Variants in CIMIP4 observed in about 807,000 individuals in gnomAD.
The protein encoded by CIMIP4 is protein EAN57.
At chr22:37,005,553 G>GT in the CIMIP4 span, among the ~76,000 whole-genome samples, 23,151 of 145,204 alleles carry the variant, frequency 0.16, 2,208 homozygotes, top group African/African-American at 0.28. Flanking sequence ...ACCTTAAACA[G>GT]TTTTTTTTTT....
chr22:37,005,140 A>G, the CIMIP4 span, among the ~76,000 whole-genome samples: 1 of 152,266 alleles, frequency 6.6e-6, no homozygotes, highest in African/African-American at 2.4e-5. Context: ...TAAAGAATAG[A>G]AGCCCTGAGT....
chr22:36,998,350 C>T, the CIMIP4 span, among the ~76,000 whole-genome samples: 31,282 of 151,972 alleles, frequency 0.21, 3,523 homozygotes, highest in East Asian at 0.53. Context: ...CCAGTGGGCA[C>T]CTGGTTCCTC....
chr22:36,992,872 G>T, the CIMIP4 span, among the ~76,000 whole-genome samples: 1 of 151,204 alleles, frequency 6.6e-6, no homozygotes, highest in Non-Finnish European at 1.5e-5. Flanking sequence ...AGCACTTTGG[G>T]AGGCCGAGAA....
the CIMIP4 span, among the ~76,000 whole-genome samples, chr22:36,998,977 C>T: frequency 1.3e-3 from 196 of 152,238 alleles, no homozygotes; most frequent in African/African-American, 4.3e-3. Context: ...GAGAAGGCAG[C>T]GGAGGCTTGC....
chr22:36,994,393 A>G, the CIMIP4 span, among the ~76,000 whole-genome samples: 1 of 152,030 alleles, frequency 6.6e-6, no homozygotes, highest in Non-Finnish European at 1.5e-5. Flanking sequence ...ATCTCCGCTC[A>G]CTATAACCTC....
the CIMIP4 span, chr22:37,002,275 C>T: frequency 7.0e-7 from 1 of 1,438,328 alleles, no homozygotes; most frequent in East Asian, 2.5e-5. Context: ...CCTTGTCATT[C>T]AGATGGGCCC....
At chr22:36,998,736 A>T in the CIMIP4 span, among the ~76,000 whole-genome samples, 5,093 of 152,136 alleles carry the variant, frequency 0.033, 109 homozygotes, top group Non-Finnish European at 0.045. Context: ...CCCCAACCAA[A>T]CAGGACTACA....
chr22:36,998,016 A>C, the CIMIP4 span, among the ~76,000 whole-genome samples: 3 of 152,318 alleles, frequency 2.0e-5, no homozygotes, highest in South Asian at 6.2e-4. Flanking sequence ...GACAGCATTT[A>C]TGTGCCAGTC....
At chr22:36,999,830 T>C in the CIMIP4 span, 1 of 1,610,686 alleles carries the variant, frequency 6.2e-7, no homozygotes. Flanking sequence ...CCCTTGCCCT[T>C]TGACTTGACC....
chr22:37,004,806 G>A, the CIMIP4 span, among the ~76,000 whole-genome samples: 1 of 151,860 alleles, frequency 6.6e-6, no homozygotes, highest in Non-Finnish European at 1.5e-5. Flanking sequence ...TCCCACCTCA[G>A]CCTCCTGAGT....
At chr22:36,998,612 G>T in the CIMIP4 span, among the ~76,000 whole-genome samples, 1 of 152,256 alleles carries the variant, frequency 6.6e-6, no homozygotes, top group Non-Finnish European at 1.5e-5. Flanking sequence ...ATGAGGCTTT[G>T]AAGGCAGAAG....
chr22:37,003,224 A>G, the CIMIP4 span, among the ~76,000 whole-genome samples: 1 of 152,240 alleles, frequency 6.6e-6, no homozygotes, highest in Non-Finnish European at 1.5e-5. Flanking sequence ...CATTAAAAAT[A>G]CAGATGCCTG....
chr22:36,991,622 C>T, the CIMIP4 span: 5 of 1,593,096 alleles, frequency 3.1e-6, no homozygotes, highest in East Asian at 2.2e-5. Context: ...ACCCCAAGTG[C>T]CCAATTCAGT....
chr22:36,991,273 C>T, the CIMIP4 span: 98 of 1,613,932 alleles, frequency 6.1e-5, no homozygotes, highest in African/African-American at 2.1e-4. Context: ...CTGGTGCCAC[C>T]GCCCTACAGC....
chr22:37,001,661 G>A, the CIMIP4 span, among the ~76,000 whole-genome samples: 2 of 152,178 alleles, frequency 1.3e-5, no homozygotes, highest in African/African-American at 2.4e-5. Context: ...CTGGGAAGAT[G>A]TAACAACTTG....
chr22:36,994,487 A>G, the CIMIP4 span, among the ~76,000 whole-genome samples: 1 of 151,584 alleles, frequency 6.6e-6, no homozygotes, highest in Non-Finnish European at 1.5e-5. Context: ...CATCACGCCT[A>G]GCTAATTTTT....
chr22:36,997,162 G>T, the CIMIP4 span, among the ~76,000 whole-genome samples: 1 of 152,150 alleles, frequency 6.6e-6, no homozygotes, highest in Non-Finnish European at 1.5e-5. Context: ...ACTCACAAAA[G>T]CCATCTACAG....
the CIMIP4 span, among the ~76,000 whole-genome samples, chr22:36,993,016 CTTTTTTTTTTTTTT>C: frequency 7.3e-6 from 1 of 136,266 alleles, no homozygotes; most frequent in East Asian, 2.1e-4. Context: ...TTTTTTTTTT[CTTTTTTTTTTTTTT>C]GAGACGGAGT....
At chr22:36,999,996 G>A in the CIMIP4 span, 1 of 1,605,358 alleles carries the variant, frequency 6.2e-7, no homozygotes, top group Non-Finnish European at 8.5e-7. Flanking sequence ...TGAGCAGGGA[G>A]GCAGGGATGA....
Sources: allele counts gnomAD v4.1 joint callset (sites outside exome capture counted in the v4.1 genomes callset), GRCh38; gene constraint gnomAD v4.1.1; transcripts MANE v1.5; gene names NCBI Gene and HGNC (gene_info 2026-07-23, HGNC 2026-07-21).